STAC: variants seen among roughly 807,000 people sequenced by gnomAD.
The protein encoded by STAC is SH3 and cysteine rich domain.
STAC carries 43 observed loss-of-function variants against 48.8 expected under a neutral mutation model. The observed-to-expected ratio is 0.88, with a 90% CI of 0.69 to 1.14. STAC has a LOEUF of 1.14. STAC is among the 50% of genes most tolerant of loss of function. STAC has a pLI of 0.00. For synonymous variants in STAC, 193 were observed against 179.5 expected (o/e 1.07, Z -0.60); for missense variants, 497 against 504.0 (o/e 0.99, Z 0.13).
intron 10 of STAC, among the ~76,000 whole-genome samples, chr3:36,536,346 T>C (rs1699197805): frequency 6.6e-6 from 1 of 152,156 alleles, no homozygotes; most frequent in Non-Finnish European, 1.5e-5. Flanking sequence ...CTTCAAGCTA[T>C]ACTACAAGGC....
chr3:36,524,131 AGT>A (rs1698871555), intron 8 of STAC, among the ~76,000 whole-genome samples: 1 of 152,096 alleles, frequency 6.6e-6, no homozygotes, highest in African/African-American at 2.4e-5. Context: ...CACATTATCT[AGT>A]ACCTGGCTCT....
At chr3:36,455,194 G>A (rs1343985455) in intron 2 of STAC, among the ~76,000 whole-genome samples, 4 of 152,066 alleles carry the variant, frequency 2.6e-5, no homozygotes, top group Admixed American at 2.0e-4. Context: ...ATATTTTCAC[G>A]TTCTTCTGAG....
chr3:36,437,833 A>C lies in STAC; in HGVS notation c.112-5531A>C, dbSNP rs542918446. 2.0e-5 allele frequency among the ~76,000 whole-genome samples: 3 copies of C among 151,454 alleles called. No individual in the cohort carries two copies. In the South Asian group the frequency reaches 6.3e-4, roughly 32 times the overall value. Reference sequence around the variant, plus strand: ...AACTCACTTATTAAAAGACAAAAAAAAAACCTTAAAAGGAAGGTTTTAATC... The same window carrying C: ...AACTCACTTATTAAAAGACAAAAAACAAACCTTAAAAGGAAGGTTTTAATC... On this transcript the variant is annotated intron_variant, in intron 1 of 10. Transcript: ENST00000273183.
intron 1 of STAC, among the ~76,000 whole-genome samples, chr3:36,429,043 A>G (rs1700629732): frequency 6.6e-6 from 1 of 152,194 alleles, no homozygotes; most frequent in African/African-American, 2.4e-5. Context: ...CAGAGGTAGT[A>G]TGAAGTAGGT....
In STAC at chr3:36,440,503, C is replaced by T. The variant is rs796410607; in HGVS notation, c.112-2861C>T. 3.3e-5 allele frequency among the ~76,000 whole-genome samples: 5 copies of T among 152,158 alleles called. 1 individual carries two copies. The East Asian group carries it at 5.8e-4, about 18-fold the overall frequency. ...ACCATGTGTCTCATAATCCTTCAGG[C>T]TACATTGGGCAGTTTGGTAGGTTTC... On this transcript the variant is annotated intron_variant, in intron 1 of 10. Coordinates refer to ENST00000273183, the MANE Select transcript of STAC (RefSeq NM_003149.3).
chr3:36,502,779 A>C (rs1186332986), intron 6 of STAC, among the ~76,000 whole-genome samples: 4 of 152,186 alleles, frequency 2.6e-5, no homozygotes, highest in Non-Finnish European at 4.4e-5. Context: ...CTCTTTTTAG[A>C]CTGGTAGACA....
intron 8 of STAC, among the ~76,000 whole-genome samples, chr3:36,515,275 T>C (rs1004174881): frequency 6.6e-6 from 1 of 152,106 alleles, no homozygotes; most frequent in African/African-American, 2.4e-5. Context: ...AAGCCTTTAC[T>C]GAAGCTCTCA....
At chr3:36,512,342 T>G (rs1698562655) in intron 8 of STAC, among the ~76,000 whole-genome samples, 1 of 152,186 alleles carries the variant, frequency 6.6e-6, no homozygotes, top group South Asian at 2.1e-4. Flanking sequence ...AAGCCATGCC[T>G]TCAGCAGATG....
At chr3:36,389,971 G>GA (rs200853223) in intron 1 of STAC, among the ~76,000 whole-genome samples, 28,936 of 140,208 alleles carry the variant, frequency 0.21, 3,321 homozygotes, top group Middle Eastern at 0.25. Context: ...CTTTCATTTG[G>GA]GGGGGAAGGG....
At chr3:36,383,801 T>A (rs1309428356) in intron 1 of STAC, among the ~76,000 whole-genome samples, 1 of 152,210 alleles carries the variant, frequency 6.6e-6, no homozygotes, top group Non-Finnish European at 1.5e-5. Flanking sequence ...AAAGGTTATC[T>A]TAATGTCCTT....
At chr3:36,405,855 G>T (rs1181815022) in intron 1 of STAC, among the ~76,000 whole-genome samples, 2 of 152,186 alleles carry the variant, frequency 1.3e-5, no homozygotes, top group Non-Finnish European at 2.9e-5. Flanking sequence ...AAGTAGCTGG[G>T]ACTACAGGCG....
At chr3:36,427,478 T>C (rs991775394) in intron 1 of STAC, among the ~76,000 whole-genome samples, 5 of 152,154 alleles carry the variant, frequency 3.3e-5, no homozygotes, top group Admixed American at 6.5e-5. Flanking sequence ...TGGCATGCTA[T>C]AACTGCTCAA....
intron 2 of STAC, among the ~76,000 whole-genome samples, chr3:36,448,902 C>CT (rs913343998): frequency 1.7e-4 from 2 of 11,712 alleles, no homozygotes; most frequent in Non-Finnish European, 3.2e-4. Context: ...AAACAGTGAA[C>CT]CCCCCCCCCC....
At chr3:36,431,482 G>A (rs73063814) in intron 1 of STAC, among the ~76,000 whole-genome samples, 3,538 of 152,258 alleles carry the variant, frequency 0.023, 61 homozygotes, top group East Asian at 0.026. Flanking sequence ...TGCAACCTCA[G>A]TGCCACCTGG....
intron 10 of STAC, among the ~76,000 whole-genome samples, chr3:36,533,903 T>G (rs1699134150): frequency 1.3e-5 from 2 of 152,182 alleles, no homozygotes; most frequent in Non-Finnish European, 2.9e-5. Context: ...AGGTTTCTTA[T>G]ATAGGCAAAT....
intron 2 of STAC, among the ~76,000 whole-genome samples, chr3:36,458,521 A>C (rs1696913393): frequency 1.3e-5 from 2 of 152,198 alleles, no homozygotes; most frequent in Non-Finnish European, 2.9e-5. Flanking sequence ...GCGTGGTGTG[A>C]CAAGAAGACC....
intron 1 of STAC, among the ~76,000 whole-genome samples, chr3:36,413,652 T>C (rs531601712): frequency 4.6e-5 from 7 of 152,346 alleles, no homozygotes; most frequent in African/African-American, 1.7e-4. Flanking sequence ...TGTCTTTTAA[T>C]TGGAGCATTT....
chr3:36,451,055 T>G (rs1483245875), intron 2 of STAC, among the ~76,000 whole-genome samples: 3 of 152,230 alleles, frequency 2.0e-5, no homozygotes, highest in African/African-American at 7.2e-5. Context: ...TTTGCATTTC[T>G]TGCCATGAGT....
chr3:36,528,466 T>TA (rs549661725), intron 8 of STAC, among the ~76,000 whole-genome samples: 15,015 of 136,378 alleles, frequency 0.11, 930 homozygotes, highest in East Asian at 0.27. Flanking sequence ...AGACTCTGTT[T>TA]AAAAAAAAAA....
Sources: allele counts gnomAD v4.1 joint callset (sites outside exome capture counted in the v4.1 genomes callset), GRCh38; gene constraint gnomAD v4.1.1; transcripts MANE v1.5; gene names NCBI Gene and HGNC (gene_info 2026-07-23, HGNC 2026-07-21).